The following ALPK3 variants were observed in gnomAD, a reference collection of about 807,000 sequenced individuals.
ALPK3 encodes alpha-protein kinase 3.
A neutral mutation model predicts 140.0 loss-of-function variants in ALPK3; 102 were observed. The observed-to-expected ratio is 0.73, with a 90% CI of 0.62 to 0.86. The LOEUF (loss-of-function observed/expected upper bound fraction) is 0.86, where lower values mean the gene tolerates loss of function less well. Ranked by LOEUF, ALPK3 falls within the 40% of genes least tolerant of loss-of-function variation. The pLI is 0.00. For missense variants in ALPK3, 2,254 were observed against 2,208.2 expected (o/e 1.02, Z -0.42); for synonymous variants, 938 against 898.5 (o/e 1.04, Z -0.79).
Position 84,840,444 on chromosome 15 carries a change from C to G in ALPK3, c.1165C>G (p.Pro389Ala). Residue 389 changes from proline to alanine, a missense_variant, in exon 5 of 14, where the codon CCA becomes GCA. Pro to Ala is a conservative substitution (Grantham distance 27). Transcript: ENST00000258888. ...CTCTGGCACAGATAGTACCAGGAAG[C>G]CAGCCTCTGCTGTGGGCACTCCAGA... is the stretch of plus-strand genomic sequence containing the variant. ...GSSGTDSTRK[P>A]ASAVGTPDKA... is the part of the protein sequence containing the mutation. 6.2e-7 allele frequency: 1 copy of G among 1,613,790 alleles called. No individual in the cohort carries two copies. The highest frequency in any genetic ancestry group is 8.5e-7 in the Non-Finnish European group (1 of 1,179,898).
At chr15:84,851,405 A>G (rs543288098) in intron 5 of ALPK3, among the ~76,000 whole-genome samples, 123 of 152,346 alleles carry the variant, frequency 8.1e-4, no homozygotes, top group South Asian at 6.0e-3. Context: ...TGATCACACA[A>G]GGGTTGATTT....
chr15:84,821,635 G>T (rs1222761041), intron 1 of ALPK3, among the ~76,000 whole-genome samples: 4 of 151,956 alleles, frequency 2.6e-5, no homozygotes, highest in Admixed American at 2.0e-4. Context: ...CCCTCTCGGG[G>T]GCAGCACCCT....
intron 5 of ALPK3, among the ~76,000 whole-genome samples, chr15:84,846,511 C>A (rs561829065): frequency 6.6e-6 from 1 of 152,254 alleles, no homozygotes; most frequent in Non-Finnish European, 1.5e-5. Context: ...TGGCAAAACC[C>A]TGTCTTTACA....
In ALPK3 at chr15:84,857,580, G is replaced by C. The variant is rs1217503979; in HGVS notation, c.2842G>C (p.Gly948Arg). The C allele has an allele frequency of 6.4e-7, 1 of 1,572,880 alleles. No individual in the cohort carries two copies. The highest frequency in any genetic ancestry group is 1.4e-5 in the African/African-American group (1 of 73,982). Residue 948 changes from glycine (G) to arginine (R), a missense_variant, in exon 6 of 14, where the codon GGT becomes CGT. By Grantham distance (125) the Gly-to-Arg change is moderately radical. Around this residue, in one of 3 missense-constraint regions of ALPK3, gnomAD observed 2,088 missense variants for 2,022.9 expected, o/e 1.03. Coordinates refer to ENST00000258888, the MANE Select transcript of ALPK3 (RefSeq NM_020778.5). ...QVPDVEGRTP[G>R]PRSCDPGLID... ...ACCAGATGTGGAGGGGCGGACCCCA[G>C]GTCCCCGGAGCTGTGACCCTGGCCT...
Position 84,868,698 on chromosome 15 carries a change from G to A in ALPK3, c.*242G>A, listed in dbSNP as rs968229090. On this transcript the variant is annotated 3_prime_UTR_variant, in exon 14 of 14. Transcript: ENST00000258888. ...ACCCAGGGCTCCCGGGCCTCAAGCAGTCCCCACCTCCAAGTGCCTGGCAAC... is the reference window on the plus strand; with the variant it reads ...ACCCAGGGCTCCCGGGCCTCAAGCAATCCCCACCTCCAAGTGCCTGGCAAC... The A allele has an allele frequency of 2.5e-5, 14 of 563,884 alleles. No homozygotes were observed. The highest frequency in any genetic ancestry group is 2.3e-4 in the African/African-American group (12 of 53,274). The allele number at this position is 563,884 out of a possible 1,614,324, so 34.9% of individuals were successfully genotyped here. A position where few individuals can be genotyped will look rare whatever the true frequency, so the allele number is the denominator to read the frequency against.
intron 5 of ALPK3, among the ~76,000 whole-genome samples, chr15:84,849,986 C>G (rs1963782894): frequency 6.9e-6 from 1 of 145,400 alleles, no homozygotes; most frequent in Non-Finnish European, 1.5e-5. Flanking sequence ...CAATAAACTT[C>G]TGGCAAGACT....
intron 3 of ALPK3, among the ~76,000 whole-genome samples, chr15:84,836,962 A>T (rs1032713826): frequency 4.6e-5 from 7 of 152,196 alleles, no homozygotes; most frequent in Admixed American, 4.6e-4. Flanking sequence ...GGTGTCCTAG[A>T]AGCAAGTGAA....
chr15:84,856,658 G>C lies in ALPK3; in HGVS notation c.1920G>C (p.Gln640His), dbSNP rs1963865148. Reference protein sequence around the residue: ...AQRTRADRKTQVDAGTQESKR... With the variant: ...AQRTRADRKTHVDAGTQESKR... ...GGACACGTGCAGATAGGAAGACGCA[G>C]GTGGATGCTGGGACACAAGAAAGCA... is the stretch of plus-strand genomic sequence containing the variant. The change falls in exon 6 of 14, where the codon CAG becomes CAC. Residue 640 changes from glutamine (Q) to histidine (H), a missense_variant. Gln to His is a conservative substitution (Grantham distance 24, BLOSUM62 0). Coordinates refer to ENST00000258888, the MANE Select transcript of ALPK3 (RefSeq NM_020778.5). 1 of 1,613,992 alleles carries C rather than the reference G, an allele frequency of 6.2e-7. No individual in the cohort carries two copies. The highest frequency in any genetic ancestry group is 1.7e-5 in the Admixed American group (1 of 59,994).
chr15:84,860,592 G>A (rs74727676), intron 9 of ALPK3, among the ~76,000 whole-genome samples: 1 of 152,244 alleles, frequency 6.6e-6, no homozygotes, highest in East Asian at 1.9e-4. Context: ...GGCACGTACT[G>A]CTCCTACAAG....
chr15:84,851,943 C>CG (rs1261607865), intron 5 of ALPK3, among the ~76,000 whole-genome samples: 1 of 152,166 alleles, frequency 6.6e-6, no homozygotes, highest in Non-Finnish European at 1.5e-5. Flanking sequence ...AAATTGCCGT[C>CG]TGTAGAGGCT....
rs780902421 is a variant in ALPK3, at chr15:84,856,611, G to A, written c.1873G>A (p.Asp625Asn). 3.7e-6 allele frequency: 6 copies of A among 1,614,158 alleles called. No homozygotes were observed. The South Asian group carries it at 5.5e-5, about 15-fold the overall frequency. ...ACAAGTGGATGGAAGGACCAGGGGA[G>A]ATGGAACACAGACAGCCCAGAGGAC... ...KIQVDGRTRG[D>N]GTQTAQRTRA... The change falls in exon 6 of 14, where the codon GAT becomes AAT. Residue 625 changes from aspartate (D) to asparagine (N), a missense_variant. Asp to Asn is a conservative substitution (Grantham distance 23, BLOSUM62 1). Coordinates refer to ENST00000258888, the MANE Select transcript of ALPK3 (RefSeq NM_020778.5).
chr15:84,853,080 T>G (rs1963823229), intron 5 of ALPK3, among the ~76,000 whole-genome samples: 1 of 152,230 alleles, frequency 6.6e-6, no homozygotes, highest in South Asian at 2.1e-4. Flanking sequence ...TGAAGGTAGC[T>G]TTAATCAAGA....
intron 3 of ALPK3, among the ~76,000 whole-genome samples, chr15:84,832,524 C>T (rs1046282545): frequency 3.3e-5 from 5 of 152,192 alleles, no homozygotes; most frequent in Non-Finnish European, 7.3e-5. Flanking sequence ...TCTCATCTTT[C>T]AAGGGGCTTG....
At chr15:84,865,950 A>C (rs1042233531) in intron 12 of ALPK3, among the ~76,000 whole-genome samples, 3 of 152,222 alleles carry the variant, frequency 2.0e-5, no homozygotes, top group African/African-American at 7.2e-5. Flanking sequence ...CAAAAAAATA[A>C]TAAAGAAAAA....
At chr15:84,820,852 G>C (rs995359625) in intron 1 of ALPK3, among the ~76,000 whole-genome samples, 3 of 152,078 alleles carry the variant, frequency 2.0e-5, no homozygotes, top group African/African-American at 4.8e-5. Context: ...TTGAACTCCT[G>C]GGCTCCAGCG....
At chr15:84,825,088 T>C (rs1963469678) in intron 2 of ALPK3, among the ~76,000 whole-genome samples, 1 of 152,208 alleles carries the variant, frequency 6.6e-6, no homozygotes, top group Non-Finnish European at 1.5e-5. Context: ...TTTTTTATAA[T>C]ACAGCTTAGG....
chr15:84,857,199 C>A lies in ALPK3; in HGVS notation c.2461C>A (p.Pro821Thr). 1.2e-6 allele frequency: 2 copies of A among 1,613,896 alleles called. No individual in the cohort carries two copies. Among genetic ancestry groups the A allele is most frequent in the Non-Finnish European group, 1.7e-6 (2 of 1,179,952 alleles). Reference sequence around the variant, plus strand: ...GGTGGGAGGAGAGAGATGCCGAGGGCCACAGTCATCAGGCCCAGTCGAGGC... The same window carrying A: ...GGTGGGAGGAGAGAGATGCCGAGGGACACAGTCATCAGGCCCAGTCGAGGC... Reference protein sequence around the residue: ...EQVGGERCRGPQSSGPVEAKQ... With the variant: ...EQVGGERCRGTQSSGPVEAKQ... Residue 821 changes from proline (P) to threonine (T), a missense_variant, in exon 6 of 14, where the codon CCA (proline) becomes ACA (threonine). Pro to Thr is a conservative substitution (Grantham distance 38, BLOSUM62 -1). Around this residue, in one of 3 missense-constraint regions of ALPK3, gnomAD observed 2,088 missense variants for 2,022.9 expected, o/e 1.03. Transcript: ENST00000258888.
chr15:84,845,724 CCA>C (rs1468107994), intron 5 of ALPK3, among the ~76,000 whole-genome samples: 2 of 152,114 alleles, frequency 1.3e-5, no homozygotes, highest in Non-Finnish European at 2.9e-5. Context: ...CATGTAAGTC[CCA>C]CACTGGCCAC....
intron 1 of ALPK3, among the ~76,000 whole-genome samples, chr15:84,817,916 A>T (rs1963379936): frequency 6.6e-6 from 1 of 152,056 alleles, no homozygotes; most frequent in South Asian, 2.1e-4. Context: ...CTGGCTTGGG[A>T]TTCCACAGCT....
Sources: allele counts gnomAD v4.1 joint callset (sites outside exome capture counted in the v4.1 genomes callset), GRCh38; gene constraint gnomAD v4.1.1; regional missense constraint gnomAD v4.1.1; transcripts MANE v1.5; gene names NCBI Gene and HGNC (gene_info 2026-07-23, HGNC 2026-07-21).